Variants in PIBF1 observed in about 807,000 individuals in gnomAD.
PIBF1 encodes the protein progesterone-induced-blocking factor 1.
In PIBF1, 90 loss-of-function variants were observed where a neutral mutation model predicts 112.5. The ratio of observed to expected loss-of-function variants is 0.80; its 90% confidence interval spans 0.67 to 0.95. The LOEUF is 0.95. Among genes scored for constraint, PIBF1 ranks in the 40% least tolerant of loss-of-function variants. The pLI, the probability that PIBF1 is intolerant of heterozygous loss-of-function variation, is 0.00. For missense variants in PIBF1, 915 were observed against 852.3 expected, an observed-to-expected ratio of 1.07 and a Z score of -0.92; for synonymous variants, 301 against 288.6, an observed-to-expected ratio of 1.04 and a Z score of -0.44.
chr13:72,973,576 G>A lies in PIBF1; in HGVS notation c.1965-15G>A. 1.4e-6 allele frequency: 2 copies of A among 1,395,256 alleles called. No homozygotes were observed. Among genetic ancestry groups the A allele is most frequent in the Non-Finnish European group, 2.0e-6 (2 of 1,010,702 alleles). The allele number at this position is 1,395,256 out of a possible 1,614,324, so 86.4% of individuals were successfully genotyped here. ...TAACATAATGACTTTTTAAAACTGG[G>A]GTTTTTTTTTTCAGCAACTTAAATA... On this transcript the variant is annotated splice_polypyrimidine_tract_variant and intron_variant, in intron 15 of 17. Coordinates refer to ENST00000326291, the MANE Select transcript of PIBF1 (RefSeq NM_006346.4).
At chr13:72,810,791 TA>T (rs1292067112) in intron 5 of PIBF1, among the ~76,000 whole-genome samples, 1 of 152,162 alleles carries the variant, frequency 6.6e-6, no homozygotes, top group African/African-American at 2.4e-5. Flanking sequence ...AAGCATTGCT[TA>T]AAATTTAGAT....
At chr13:72,931,411 A>G (rs540624829) in intron 14 of PIBF1, 144 bp downstream of exon 14, 1 of 671,034 alleles carries the variant, frequency 1.5e-6, no homozygotes, top group East Asian at 2.8e-5. Context: ...ACTGAATGTT[A>G]AGGCCATAAA....
chr13:72,936,593 G>T (rs2041877220), intron 14 of PIBF1, among the ~76,000 whole-genome samples: 2 of 152,122 alleles, frequency 1.3e-5, no homozygotes, highest in African/African-American at 4.8e-5. Context: ...AGCATCATTT[G>T]TTGAGAAACA....
At chr13:73,000,847 G>C (rs972361949) in intron 17 of PIBF1, among the ~76,000 whole-genome samples, 1 of 152,158 alleles carries the variant, frequency 6.6e-6, no homozygotes, top group Non-Finnish European at 1.5e-5. Flanking sequence ...AGTACCTCCA[G>C]ATAAGGTTAT....
rs182320598 is a variant in PIBF1 at position 72,900,974 on chromosome 13, A to T, written c.1488+7025A>T. ...GAGGCGTACATTGCAGTGAACCGAG[A>T]TTGCGCCATTCCGCTGCACCCTGGG... is the stretch of plus-strand genomic sequence containing the variant. On this transcript the variant is annotated intron_variant, in intron 11 of 17. Transcript: ENST00000326291. 6.1e-5 allele frequency: 22 copies of T among 358,972 alleles called. No homozygotes were observed. In the East Asian group the frequency reaches 2.0e-3, roughly 33 times the overall value. 22.2% of individuals were successfully genotyped at this position (358,972 alleles called of 1,614,324 possible).
chr13:72,860,913 T>G (rs2038666662), intron 10 of PIBF1, among the ~76,000 whole-genome samples: 1 of 152,204 alleles, frequency 6.6e-6, no homozygotes, highest in East Asian at 1.9e-4. Context: ...GAACAGTTAT[T>G]ATGTCGTATT....
At chr13:72,878,521 T>C (rs1328723430) in intron 10 of PIBF1, among the ~76,000 whole-genome samples, 1 of 152,208 alleles carries the variant, frequency 6.6e-6, no homozygotes, top group Non-Finnish European at 1.5e-5. Context: ...TTTTATTCTT[T>C]TAACTTTGTT....
intron 9 of PIBF1, among the ~76,000 whole-genome samples, chr13:72,846,090 CTTGACAACTTTTGCA>C (rs1022463095): frequency 6.6e-6 from 1 of 152,138 alleles, no homozygotes; most frequent in African/African-American, 2.4e-5. Flanking sequence ...TCCTCATCTT[CTTGACAACTTTTGCA>C]GCTGCCTCCA....
chr13:72,891,926 C>T (rs1451050815), intron 10 of PIBF1, among the ~76,000 whole-genome samples: 5 of 151,964 alleles, frequency 3.3e-5, no homozygotes, highest in South Asian at 2.1e-4. Context: ...ACCTTGAAAA[C>T]ATCAGAAGGC....
At chr13:73,011,274 A>G (rs2044195340) in intron 17 of PIBF1, among the ~76,000 whole-genome samples, 2 of 152,206 alleles carry the variant, frequency 1.3e-5, no homozygotes, top group African/African-American at 2.4e-5. Flanking sequence ...GAAAACCTGA[A>G]TGTAACTGCT....
intron 2 of PIBF1, 75 bp from the exon 3 acceptor site, chr13:72,792,372 A>C (rs2034977068): frequency 3.3e-6 from 3 of 913,026 alleles, no homozygotes; most frequent in Non-Finnish European, 5.1e-6. Context: ...AAGTGTTTTT[A>C]AAATATGTTT....
chr13:72,929,677 A>T (rs915526640), intron 13 of PIBF1, among the ~76,000 whole-genome samples: 3 of 151,114 alleles, frequency 2.0e-5, no homozygotes, highest in East Asian at 1.9e-4. Context: ...AGTAAAGTTT[A>T]AAAAAAAAGT....
At chr13:72,973,937 A>G in intron 16 of PIBF1, 1 of 431,506 alleles carries the variant, frequency 2.3e-6, no homozygotes. Flanking sequence ...GTTTTATCTT[A>G]TTCTGCAACT....
chr13:72,958,093 C>T (rs2042499043), intron 14 of PIBF1, among the ~76,000 whole-genome samples: 1 of 151,810 alleles, frequency 6.6e-6, no homozygotes, highest in East Asian at 1.9e-4. Flanking sequence ...ACACTTCAGC[C>T]TGGGCAACAG....
In PIBF1 at chr13:72,973,977, G is replaced by A. The variant is rs143112699; in HGVS notation, c.2049+302G>A. On this transcript the variant is annotated intron_variant, in intron 16 of 17. Transcript: ENST00000326291. ...AGTTAATTTCCTTAGTGTGCCTCTC[G>A]TCTTCTTTATCAATGTATGCCCAGT... 2.6e-3 allele frequency: 963 copies of A among 371,972 alleles called. 2 individuals are homozygous for A. The highest frequency in any genetic ancestry group is 3.8e-3 in the Non-Finnish European group (811 of 212,134). 23.0% of individuals were successfully genotyped at this position (371,972 alleles called of 1,614,324 possible).
chr13:72,969,461 T>A (rs1044189475), intron 15 of PIBF1: 8 of 152,202 alleles, frequency 5.3e-5, no homozygotes, highest in African/African-American at 1.7e-4. Flanking sequence ...TGAAATCTTA[T>A]TCTTAATTGA....
intron 2 of PIBF1, 73 bp from the exon 3 acceptor site, chr13:72,792,374 A>C: frequency 1.1e-6 from 1 of 923,606 alleles, no homozygotes; most frequent in Non-Finnish European, 1.7e-6. Context: ...GTGTTTTTAA[A>C]ATATGTTTAT....
At chr13:72,812,565 C>T (rs1349463278) in intron 5 of PIBF1, among the ~76,000 whole-genome samples, 10 of 151,976 alleles carry the variant, frequency 6.6e-5, no homozygotes, top group Non-Finnish European at 1.2e-4. Context: ...AACCCTGTCT[C>T]TACCAAAAAT....
At chr13:72,995,626 A>C (rs1243658725) in intron 16 of PIBF1, among the ~76,000 whole-genome samples, 1 of 152,178 alleles carries the variant, frequency 6.6e-6, no homozygotes, top group East Asian at 1.9e-4. Context: ...AGCCAGGATA[A>C]ACTTTAAACC....
Sources: gnomAD v4.1 joint callset for allele counts (sites outside exome capture counted in the v4.1 genomes callset) on GRCh38, gnomAD v4.1.1 for gene constraint, MANE v1.5 for transcripts, NCBI Gene and HGNC (gene_info 2026-07-23, HGNC 2026-07-21) for gene names.